Variants in CAST observed in about 807,000 individuals in gnomAD.
CAST encodes MIR583 host.
Under a neutral mutation model 119.6 loss-of-function variants are expected in CAST, and 76 were observed. That is an observed-to-expected ratio of 0.64 (90% confidence interval 0.53 to 0.77). CAST has a LOEUF of 0.77. Ranked by LOEUF, CAST falls within the 30% of genes least tolerant of loss-of-function variation. The probability of loss-of-function intolerance (pLI) is 0.00; values close to 1 mark genes in which losing one functional copy is unlikely to be tolerated. For synonymous variants in CAST, 319 were observed against 331.6 expected (o/e 0.96, Z 0.41); for missense variants, 953 against 946.5 (o/e 1.01, Z -0.09).
chr5:96,617,470 T>C (rs1478442375), intron 1 of CAST, among the ~76,000 whole-genome samples: 1 of 152,176 alleles, frequency 6.6e-6, no homozygotes, highest in Non-Finnish European at 1.5e-5. Context: ...TTAATCTTTA[T>C]GCAGGCATCA....
chr5:96,125,194 G>A, the CAST span, among the ~76,000 whole-genome samples: 4 of 152,114 alleles, frequency 2.6e-5, no homozygotes, highest in East Asian at 7.7e-4. Context: ...GCAGTCATGG[G>A]ATGTATTCCT....
At chr5:96,413,703 G>A in the CAST span, among the ~76,000 whole-genome samples, 1 of 151,214 alleles carries the variant, frequency 6.6e-6, no homozygotes, top group Non-Finnish European at 1.5e-5. Flanking sequence ...AGGAGGCTGA[G>A]GCACAAGAAA....
chr5:96,702,094 A>G (rs1753976066), intron 3 of CAST, among the ~76,000 whole-genome samples: 1 of 152,154 alleles, frequency 6.6e-6, no homozygotes, highest in African/African-American at 2.4e-5. Context: ...GTGTTCCTCA[A>G]ACAGTGACCA....
chr5:96,183,973 A>G, the CAST span, among the ~76,000 whole-genome samples: 6 of 152,330 alleles, frequency 3.9e-5, no homozygotes, highest in East Asian at 9.6e-4. Flanking sequence ...GTCCACTGCT[A>G]GATTTATACT....
chr5:96,617,799 A>T (rs1747497793), intron 1 of CAST, among the ~76,000 whole-genome samples: 1 of 109,444 alleles, frequency 9.1e-6, no homozygotes, highest in African/African-American at 4.7e-5. Context: ...CTAAAAAAAA[A>T]AAAAAAAAAA....
chr5:96,652,947 C>T (rs1748112902), intron 1 of CAST, among the ~76,000 whole-genome samples: 1 of 152,188 alleles, frequency 6.6e-6, no homozygotes, highest in Non-Finnish European at 1.5e-5. Context: ...CCCTCTTACC[C>T]ACCTGCTGTG....
chr5:96,427,564 A>T, the CAST span, among the ~76,000 whole-genome samples: 3,739 of 152,180 alleles, frequency 0.025, 151 homozygotes, highest in African/African-American at 0.086. Flanking sequence ...AATTCTTAGC[A>T]TTTTTTCATA....
At chr5:96,346,837 C>T in the CAST span, among the ~76,000 whole-genome samples, 1 of 152,078 alleles carries the variant, frequency 6.6e-6, no homozygotes, top group Non-Finnish European at 1.5e-5. Context: ...GATTCCATGT[C>T]AGTAAATCAA....
intron 20 of CAST, among the ~76,000 whole-genome samples, chr5:96,753,462 A>C (rs958038752): frequency 6.6e-6 from 1 of 152,126 alleles, no homozygotes; most frequent in Non-Finnish European, 1.5e-5. Flanking sequence ...AGTTCATTAC[A>C]TTTGGGGGAG....
At chr5:96,166,298 C>A in the CAST span, among the ~76,000 whole-genome samples, 110,409 of 151,934 alleles carry the variant, frequency 0.73, 40,236 homozygotes, top group South Asian at 0.83. Flanking sequence ...TTTTAAATAT[C>A]ATTAATATAG....
At chr5:96,389,380 A>G in the CAST span, among the ~76,000 whole-genome samples, 1 of 152,198 alleles carries the variant, frequency 6.6e-6, no homozygotes, top group Admixed American at 6.5e-5. Context: ...AATATGTACA[A>G]TCAATCAATT....
intron 19 of CAST, 58 bp from the exon 20 acceptor site, chr5:96,750,529 T>G: frequency 9.5e-7 from 1 of 1,057,910 alleles, no homozygotes; most frequent in African/African-American, 1.5e-5. Flanking sequence ...CTACCATTAC[T>G]CAGTCTTATT....
chr5:96,652,239 A>G (rs1748104189), intron 1 of CAST, among the ~76,000 whole-genome samples: 1 of 152,232 alleles, frequency 6.6e-6, no homozygotes, highest in Non-Finnish European at 1.5e-5. Context: ...GTATCTTCCA[A>G]CCTAGGTTGT....
the CAST span, among the ~76,000 whole-genome samples, chr5:96,266,181 G>T: frequency 6.6e-6 from 1 of 152,096 alleles, no homozygotes; most frequent in East Asian, 1.9e-4. Context: ...AAGTGAAAAA[G>T]CCCTGAGCAG....
the CAST span, among the ~76,000 whole-genome samples, chr5:96,519,131 A>G: frequency 2.6e-4 from 39 of 152,318 alleles, no homozygotes; most frequent in Non-Finnish European, 5.0e-4. Flanking sequence ...AATTTTCTGG[A>G]AGATTTCTTC....
chr5:96,621,593 T>C (rs1747606172), intron 1 of CAST, among the ~76,000 whole-genome samples: 1 of 152,182 alleles, frequency 6.6e-6, no homozygotes, highest in Admixed American at 6.5e-5. Context: ...ACTCACTCAG[T>C]ATCATGAGAA....
chr5:96,558,762 G>A (rs543509518), intron 1 of CAST, among the ~76,000 whole-genome samples: 121 of 152,256 alleles, frequency 7.9e-4, no homozygotes, highest in Non-Finnish European at 1.4e-3. Context: ...ATTCACAGCC[G>A]AATTCTACCA....
At chr5:96,760,748 T>A (rs1370729450) in intron 24 of CAST, 1 of 151,904 alleles carries the variant, frequency 6.6e-6, no homozygotes, top group Non-Finnish European at 1.5e-5. Context: ...CACAAAAAAA[T>A]TGAAGGCCAT....
chr5:96,723,289 C>T (rs1445422993), intron 4 of CAST, among the ~76,000 whole-genome samples: 1 of 151,948 alleles, frequency 6.6e-6, no homozygotes, highest in Non-Finnish European at 1.5e-5. Flanking sequence ...GTTTTTGATC[C>T]TAGATTTGAT....
Sources: gnomAD v4.1 joint callset for allele counts (sites outside exome capture counted in the v4.1 genomes callset) on GRCh38, gnomAD v4.1.1 for gene constraint, MANE v1.5 for transcripts, NCBI Gene and HGNC (gene_info 2026-07-23, HGNC 2026-07-21) for gene names.